FAM13A: variants seen among roughly 807,000 people sequenced by gnomAD.
The protein encoded by FAM13A is protein FAM13A.
A neutral mutation model predicts 129.6 loss-of-function variants in FAM13A; 76 were observed. That is an observed-to-expected ratio of 0.59 (90% CI 0.49 to 0.71). The LOEUF (loss-of-function observed/expected upper bound fraction) is 0.71, where lower values mean the gene tolerates loss of function less well. Among genes scored for constraint, FAM13A ranks in the 30% least tolerant of loss-of-function variants. FAM13A has a pLI of 0.00. For synonymous variants in FAM13A, 443 were observed against 449.9 expected (o/e 0.98, Z 0.20); for missense variants, 1,108 against 1,249.3 (o/e 0.89, Z 1.70).
At chr4:88,858,257 G>A (rs995444525) in intron 6 of FAM13A, among the ~76,000 whole-genome samples, 43 of 152,116 alleles carry the variant, frequency 2.8e-4, no homozygotes, top group Admixed American at 2.8e-3. Context: ...TATTAATCTC[G>A]ACACAGTTCC....
chr4:88,906,516 C>T, intron 5 of FAM13A, 54 bp from the exon 6 acceptor site: 1 of 1,189,846 alleles, frequency 8.4e-7, no homozygotes, highest in Non-Finnish European at 1.2e-6. Context: ...TTACCCTAAC[C>T]AAAAATTACA....
intron 5 of FAM13A, 107 bp from the exon 6 acceptor site, chr4:88,906,569 G>C: frequency 1.4e-6 from 1 of 732,068 alleles, no homozygotes; most frequent in East Asian, 2.6e-5. Flanking sequence ...TTTCTGGATT[G>C]AGTTGTTCAC....
chr4:88,735,376 C>A (rs1738770869), intron 21 of FAM13A, among the ~76,000 whole-genome samples: 1 of 152,030 alleles, frequency 6.6e-6, no homozygotes, highest in South Asian at 2.1e-4. Context: ...ATTATTGATA[C>A]TTATGTAGTG....
chr4:88,957,519 T>C (rs1333295507), intron 4 of FAM13A, among the ~76,000 whole-genome samples: 3 of 152,184 alleles, frequency 2.0e-5, no homozygotes, highest in African/African-American at 7.2e-5. Context: ...CGGATATTTC[T>C]TTATAGCAAT....
At chr4:89,049,660 A>G (rs1003002235) in intron 1 of FAM13A, among the ~76,000 whole-genome samples, 7 of 152,008 alleles carry the variant, frequency 4.6e-5, no homozygotes, top group African/African-American at 1.7e-4. Context: ...TTGTATTACT[A>G]TTTTGTTTTG....
At chr4:88,973,035 T>C (rs1219342204) in intron 4 of FAM13A, among the ~76,000 whole-genome samples, 2 of 152,188 alleles carry the variant, frequency 1.3e-5, no homozygotes, top group Admixed American at 1.3e-4. Context: ...ATGTAGAGCT[T>C]ACCTCTTTGC....
At chr4:88,969,810 G>A (rs184436359) in intron 4 of FAM13A, among the ~76,000 whole-genome samples, 211 of 152,306 alleles carry the variant, frequency 1.4e-3, no homozygotes, top group African/African-American at 4.7e-3. Flanking sequence ...TGAGAAAACT[G>A]TCCTAGGGCA....
intron 1 of FAM13A, among the ~76,000 whole-genome samples, chr4:89,054,382 G>A (rs1771968195): frequency 6.6e-6 from 1 of 151,920 alleles, no homozygotes; most frequent in Non-Finnish European, 1.5e-5. Flanking sequence ...TCAGCAGCAG[G>A]ATATTTCAGT....
At chr4:88,888,778 A>C (rs1379963589) in intron 6 of FAM13A, among the ~76,000 whole-genome samples, 1 of 151,242 alleles carries the variant, frequency 6.6e-6, no homozygotes, top group Non-Finnish European at 1.5e-5. Context: ...ACTAAAAAAA[A>C]AAAAAAAATT....
At chr4:88,798,091 G>A (rs1439506663) in intron 8 of FAM13A, among the ~76,000 whole-genome samples, 1 of 152,206 alleles carries the variant, frequency 6.6e-6, no homozygotes, top group African/African-American at 2.4e-5. Context: ...CCACTTGGCT[G>A]TGAGCAGATG....
intron 7 of FAM13A, among the ~76,000 whole-genome samples, chr4:88,818,654 G>A (rs1013846945): frequency 2.6e-5 from 4 of 152,148 alleles, no homozygotes; most frequent in Admixed American, 2.0e-4. Flanking sequence ...CACTGACAGT[G>A]ATAAAGCATA....
At chr4:88,891,525 T>C (rs183327867) in intron 6 of FAM13A, among the ~76,000 whole-genome samples, 2 of 152,262 alleles carry the variant, frequency 1.3e-5, no homozygotes, top group East Asian at 3.9e-4. Flanking sequence ...AAAACACACT[T>C]AGAAACATGG....
chr4:88,827,347 G>C (rs1304065592), intron 7 of FAM13A, among the ~76,000 whole-genome samples: 1 of 152,068 alleles, frequency 6.6e-6, no homozygotes, highest in Non-Finnish European at 1.5e-5. Context: ...TCAATAAATT[G>C]GGCGCTGCAA....
intron 6 of FAM13A, among the ~76,000 whole-genome samples, chr4:88,863,977 T>C (rs183316290): frequency 6.6e-6 from 1 of 152,278 alleles, no homozygotes; most frequent in African/African-American, 2.4e-5. Context: ...CTGAAGAAGA[T>C]AATCAAACAG....
At chr4:88,844,674 G>A (rs1347515744) in intron 7 of FAM13A, among the ~76,000 whole-genome samples, 2 of 152,150 alleles carry the variant, frequency 1.3e-5, no homozygotes, top group African/African-American at 4.8e-5. Flanking sequence ...CAGTTGGAGA[G>A]GCAGGTAGAG....
At chr4:88,987,071 T>C (rs1762326127) in intron 4 of FAM13A, among the ~76,000 whole-genome samples, 1 of 152,160 alleles carries the variant, frequency 6.6e-6, no homozygotes, top group Admixed American at 6.5e-5. Context: ...TAGGAAATAC[T>C]GTTACAGGGT....
At chr4:88,874,968 G>T (rs1268963547) in intron 6 of FAM13A, among the ~76,000 whole-genome samples, 1 of 152,146 alleles carries the variant, frequency 6.6e-6, no homozygotes, top group Non-Finnish European at 1.5e-5. Context: ...ACAGAACAGA[G>T]GCCTCAGAAA....
intron 1 of FAM13A, among the ~76,000 whole-genome samples, chr4:89,034,821 G>A (rs1481920542): frequency 6.6e-6 from 1 of 152,206 alleles, no homozygotes; most frequent in African/African-American, 2.4e-5. Context: ...GGCGGAGGTT[G>A]CAGTGAGCTG....
intron 4 of FAM13A, among the ~76,000 whole-genome samples, chr4:88,963,462 G>A (rs1030819253): frequency 2.0e-5 from 3 of 151,930 alleles, no homozygotes; most frequent in South Asian, 4.2e-4. Context: ...CATGCCCAGC[G>A]AATTTTTGTA....
Sources: gnomAD v4.1 joint callset for allele counts (sites outside exome capture counted in the v4.1 genomes callset) on GRCh38, gnomAD v4.1.1 for gene constraint, MANE v1.5 for transcripts, NCBI Gene and HGNC (gene_info 2026-07-23, HGNC 2026-07-21) for gene names.